The following C10orf67 variants were observed in gnomAD, a reference collection of about 807,000 sequenced individuals.
C10orf67 encodes uncharacterized protein C10orf67, mitochondrial.
Under a neutral mutation model 35.6 loss-of-function variants are expected in C10orf67, and 60 were observed. The observed-to-expected ratio is 1.68, with a 90% confidence interval of 1.37 to 2.09. The LOEUF is 2.09. Ranked by LOEUF, C10orf67 falls within the 30% of genes most tolerant of loss-of-function variation. The pLI is 0.00. For synonymous variants in C10orf67, 167 were observed against 115.8 expected, an observed-to-expected ratio of 1.44 and a Z score of -2.84; for missense variants, 474 against 330.2, an observed-to-expected ratio of 1.44 and a Z score of -3.38.
At chr10:23,305,730 A>C (rs1844251448) in intron 4 of C10orf67, among the ~76,000 whole-genome samples, 1 of 152,210 alleles carries the variant, frequency 6.6e-6, no homozygotes, top group Non-Finnish European at 1.5e-5. Context: ...TGTTGATGGG[A>C]ATGTAAAGTG....
chr10:23,223,705 A>G, intron 14 of C10orf67, 39 bp downstream of exon 14: 2 of 716,958 alleles, frequency 2.8e-6, no homozygotes, highest in Non-Finnish European at 5.2e-6. Flanking sequence ...AATAATATTA[A>G]CTCAGTAAAT....
chr10:23,272,769 A>C (rs905605788), intron 8 of C10orf67, among the ~76,000 whole-genome samples: 7 of 152,226 alleles, frequency 4.6e-5, no homozygotes, highest in African/African-American at 1.4e-4. Context: ...TTTAATCTAT[A>C]AATCAATCTG....
Position 23,239,816 on chromosome 10 carries a change from G to T in C10orf67, c.1347C>A (p.Ser449Arg). 1 of 612,582 alleles carries T rather than the reference G, an allele frequency of 1.6e-6. No homozygotes were observed. Among genetic ancestry groups the T allele is most frequent in the Non-Finnish European group, 3.2e-6 (1 of 313,262 alleles). 37.9% of individuals were successfully genotyped at this position (612,582 alleles called of 1,614,324 possible). Residue 449 changes from serine (S) to arginine (R), a missense_variant and splice_region_variant, in exon 13 of 16, where the codon AGC becomes AGA. Coordinates refer to ENST00000636213, the MANE Select transcript of C10orf67 (RefSeq NM_001371909.1). Reference sequence around the variant, plus strand: ...ACATCTCATTCTTAAGGACATGAAAGCTGAAATTTTAAAAATGATGAAACT... The same window carrying T: ...ACATCTCATTCTTAAGGACATGAAATCTGAAATTTTAAAAATGATGAAACT... ...WEKRFFILRN[S>R]FHVLKNEMFT...
Position 23,344,532 on chromosome 10 carries a change from C to T in C10orf67, c.206+37G>A, listed in dbSNP as rs1043636571. 1.1e-5 allele frequency: 17 copies of T among 1,546,126 alleles called. No homozygotes were observed. In the Admixed American group the frequency reaches 2.5e-4, roughly 23 times the overall value. On this transcript the variant is annotated intron_variant, in intron 1 of 15. Coordinates refer to ENST00000636213, the MANE Select transcript of C10orf67 (RefSeq NM_001371909.1). Reference sequence around the variant, plus strand: ...TCCCGCCGTGCCCCTGGACCCTGCTCGCTTCCTCCTCTACCCAGGCGCGGA... The same window carrying T: ...TCCCGCCGTGCCCCTGGACCCTGCTTGCTTCCTCCTCTACCCAGGCGCGGA...
chr10:23,296,025 A>T (rs1843870537), intron 5 of C10orf67, among the ~76,000 whole-genome samples: 1 of 152,214 alleles, frequency 6.6e-6, no homozygotes, highest in Admixed American at 6.5e-5. Flanking sequence ...TATAACGTTG[A>T]AGTTTTAAAT....
At chr10:23,306,575 A>G in intron 4 of C10orf67, among the ~76,000 whole-genome samples, 1 of 150,570 alleles carries the variant, frequency 6.6e-6, no homozygotes, top group East Asian at 2.0e-4. Flanking sequence ...CAAAGGCTGG[A>G]GCACAGGGAA....
chr10:23,235,256 A>C (rs937096396), intron 13 of C10orf67, among the ~76,000 whole-genome samples: 14 of 152,136 alleles, frequency 9.2e-5, no homozygotes, highest in African/African-American at 3.1e-4. Context: ...ATTATAAGAA[A>C]TATATACAGA....
intron 13 of C10orf67, among the ~76,000 whole-genome samples, 156 bp downstream of exon 13, chr10:23,239,573 C>T (rs1182609876): frequency 6.6e-6 from 1 of 152,232 alleles, no homozygotes; most frequent in African/African-American, 2.4e-5. Flanking sequence ...GGTTCAGGCA[C>T]TTTGTCTTAA....
At chr10:23,224,102 G>A (rs771222275) in intron 13 of C10orf67, among the ~76,000 whole-genome samples, 15 of 152,134 alleles carry the variant, frequency 9.9e-5, no homozygotes, top group Non-Finnish European at 1.9e-4. Flanking sequence ...CTTACTACTT[G>A]CAACTGGTTG....
intron 15 of C10orf67, among the ~76,000 whole-genome samples, chr10:23,214,269 A>G (rs1464759245): frequency 6.6e-6 from 1 of 152,172 alleles, no homozygotes; most frequent in Non-Finnish European, 1.5e-5. Context: ...TTAGGCATAC[A>G]ATAAATTAGA....
intron 12 of C10orf67, among the ~76,000 whole-genome samples, chr10:23,246,306 A>G (rs936150334): frequency 1.3e-5 from 2 of 152,224 alleles, no homozygotes; most frequent in African/African-American, 4.8e-5. Context: ...TAAGACATGC[A>G]AGTTACCCAT....
chr10:23,213,470 T>A (rs540933739), intron 15 of C10orf67, among the ~76,000 whole-genome samples: 2 of 152,246 alleles, frequency 1.3e-5, no homozygotes, highest in South Asian at 4.1e-4. Flanking sequence ...CTTCTTATAA[T>A]CCTAAGTAGA....
At chr10:23,326,669 T>C (rs866816264) in intron 2 of C10orf67, among the ~76,000 whole-genome samples, 1 of 152,124 alleles carries the variant, frequency 6.6e-6, no homozygotes, top group South Asian at 2.1e-4. Flanking sequence ...GTAATGTATG[T>C]ATAATAGATG....
chr10:23,211,362 C>T (rs1159016172), intron 15 of C10orf67, among the ~76,000 whole-genome samples: 1 of 152,006 alleles, frequency 6.6e-6, no homozygotes, highest in African/African-American at 2.4e-5. Context: ...ACCTGGAAGA[C>T]CTTGGCTTAA....
intron 1 of C10orf67, among the ~76,000 whole-genome samples, chr10:23,335,795 T>C (rs781258510): frequency 2.0e-5 from 3 of 152,172 alleles, no homozygotes; most frequent in Non-Finnish European, 4.4e-5. Flanking sequence ...CATTTCTCAT[T>C]ACATACACTC....
chr10:23,344,404 A>T, intron 1 of C10orf67, 165 bp downstream of exon 1: 2 of 701,132 alleles, frequency 2.9e-6, no homozygotes, highest in Non-Finnish European at 4.7e-6. Flanking sequence ...CTGCGCTTTC[A>T]CTGTCCCGCC....
intron 15 of C10orf67, among the ~76,000 whole-genome samples, chr10:23,217,236 T>C (rs1300017901): frequency 6.6e-6 from 1 of 152,212 alleles, no homozygotes; most frequent in African/African-American, 2.4e-5. Context: ...GTGACATTTG[T>C]AGAAGCCACA....
At chr10:23,264,196 T>C (rs1822768049) in intron 10 of C10orf67, among the ~76,000 whole-genome samples, 1 of 152,142 alleles carries the variant, frequency 6.6e-6, no homozygotes, top group Non-Finnish European at 1.5e-5. Flanking sequence ...ATAGCTAGAA[T>C]GTGTATATAT....
Position 23,204,080 on chromosome 10 carries a change from A to G in C10orf67, c.*93T>C, listed in dbSNP as rs147614788. The G allele has an allele frequency of 5.7e-4, 256 of 447,370 alleles. No individual in the cohort carries two copies. The highest frequency in any genetic ancestry group is 4.6e-3 in the African/African-American group (227 of 49,212). 27.7% of individuals were successfully genotyped at this position (447,370 alleles called of 1,614,324 possible). ...AACAATTAGTTTAGAAAATCCTTGG[A>G]GATAGTATCCTTTCCGAGGGAGGCA... is the stretch of plus-strand genomic sequence containing the variant. On this transcript the variant is annotated 3_prime_UTR_variant, in exon 16 of 16. Coordinates refer to ENST00000636213, the MANE Select transcript of C10orf67 (RefSeq NM_001371909.1).
Sources: gnomAD v4.1 joint callset for allele counts (sites outside exome capture counted in the v4.1 genomes callset) on GRCh38, gnomAD v4.1.1 for gene constraint, MANE v1.5 for transcripts, NCBI Gene and HGNC (gene_info 2026-07-23, HGNC 2026-07-21) for gene names.